WDR70: variants seen among roughly 807,000 people sequenced by gnomAD.
WDR70 encodes the protein WD repeat domain 70, also known as WD repeat-containing protein 70.
A neutral mutation model predicts 88.6 loss-of-function variants in WDR70; 53 were observed. The ratio of observed to expected loss-of-function variants is 0.60; its 90% confidence interval spans 0.48 to 0.75. The LOEUF is 0.75. Among genes scored for constraint, WDR70 ranks in the 30% least tolerant of loss-of-function variants. WDR70 has a pLI of 0.00. For synonymous variants in WDR70, 280 were observed against 270.0 expected (o/e 1.04, Z -0.36); for missense variants, 610 against 823.2 (o/e 0.74, Z 3.17).
intron 8 of WDR70, among the ~76,000 whole-genome samples, chr5:37,495,984 A>C (rs552310340): frequency 6.6e-6 from 1 of 152,332 alleles, no homozygotes; most frequent in African/African-American, 2.4e-5. Context: ...ACTTAACAGT[A>C]AAGGTGACCA....
chr5:37,571,667 A>G (rs977787123), intron 9 of WDR70, among the ~76,000 whole-genome samples: 1 of 152,086 alleles, frequency 6.6e-6, no homozygotes, highest in Admixed American at 6.6e-5. Context: ...GAATGAAAAA[A>G]TAGATAGATA....
intron 8 of WDR70, among the ~76,000 whole-genome samples, chr5:37,482,065 C>T (rs1380254478): frequency 6.6e-6 from 1 of 152,198 alleles, no homozygotes; most frequent in Non-Finnish European, 1.5e-5. Context: ...CCACCTCTGC[C>T]TGGACCTTAT....
intron 9 of WDR70, 133 bp downstream of exon 9, chr5:37,516,723 A>ATTTT: frequency 2.3e-5 from 3 of 128,246 alleles, no homozygotes; most frequent in Admixed American, 9.8e-5. Flanking sequence ...ATATATATAT[A>ATTTT]TATTTTTTTT....
chr5:37,737,035 A>T (rs6867232), intron 17 of WDR70, among the ~76,000 whole-genome samples: 134,504 of 152,150 alleles, frequency 0.88, 59,899 homozygotes, highest in East Asian at 0.93. Context: ...GTTTAACATA[A>T]AAATTAATTT....
intron 8 of WDR70, 70 bp from the exon 9 acceptor site, chr5:37,516,444 T>C: frequency 1.2e-6 from 1 of 850,594 alleles, no homozygotes; most frequent in Non-Finnish European, 1.9e-6. Context: ...AAATGACATG[T>C]CAGTTTCTAG....
At chr5:37,623,522 A>G (rs563129156) in intron 10 of WDR70, among the ~76,000 whole-genome samples, 3 of 152,180 alleles carry the variant, frequency 2.0e-5, no homozygotes, top group Non-Finnish European at 4.4e-5. Flanking sequence ...ATAATAGTAA[A>G]TAGACAAGTA....
At chr5:37,637,623 G>A (rs905166520) in intron 10 of WDR70, among the ~76,000 whole-genome samples, 4 of 152,120 alleles carry the variant, frequency 2.6e-5, no homozygotes, top group African/African-American at 9.7e-5. Context: ...ATTACTAAAA[G>A]CTTAAGAACA....
chr5:37,472,183 GC>G (rs1187317500), intron 7 of WDR70, among the ~76,000 whole-genome samples: 1 of 151,854 alleles, frequency 6.6e-6, no homozygotes, highest in Non-Finnish European at 1.5e-5. Flanking sequence ...CATTCTTAAA[GC>G]CTTGACTTGA....
At chr5:37,634,312 GAAAA>G in intron 10 of WDR70, among the ~76,000 whole-genome samples, 1 of 124,420 alleles carries the variant, frequency 8.0e-6, no homozygotes, top group South Asian at 2.5e-4. Flanking sequence ...AAAAAAAAAA[GAAAA>G]AAAAGAAAAA....
chr5:37,749,005 G>A (rs887449826), intron 17 of WDR70, among the ~76,000 whole-genome samples: 4 of 152,152 alleles, frequency 2.6e-5, no homozygotes, highest in African/African-American at 9.7e-5. Flanking sequence ...TTATACTGTT[G>A]GTGGGAATGT....
chr5:37,745,236 T>C (rs1748601572), intron 17 of WDR70, among the ~76,000 whole-genome samples: 1 of 152,058 alleles, frequency 6.6e-6, no homozygotes, highest in Non-Finnish European at 1.5e-5. Flanking sequence ...TGAGGGATTT[T>C]GTTACCACGA....
chr5:37,502,027 A>G (rs1740418597), intron 8 of WDR70, among the ~76,000 whole-genome samples: 1 of 152,190 alleles, frequency 6.6e-6, no homozygotes, highest in South Asian at 2.1e-4. Context: ...TTTGGGCAGT[A>G]TGATCATTTT....
intron 17 of WDR70, among the ~76,000 whole-genome samples, chr5:37,751,955 A>G (rs556135765): frequency 8.5e-5 from 13 of 152,314 alleles, no homozygotes; most frequent in African/African-American, 2.9e-4. Context: ...TGCGGGGGAT[A>G]TTCGTTTTCT....
In WDR70 at chr5:37,722,900, A is replaced by G; in HGVS notation, c.1563A>G (p.Gln521=). 1 of 1,613,674 alleles carries G rather than the reference A, an allele frequency of 6.2e-7. No homozygotes were observed. ...TTAAAACCCAGCGGAAGGCAAAACA[A>G]GCTGAGACTCTAACTCAGGACTACA... ...CVVKTQRKAK[Q]AETLTQDYII... is the part of the protein sequence containing the mutation. Residue 521 remains glutamine, a synonymous_variant, in exon 15 of 18, where the codon CAA becomes CAG. Transcript: ENST00000265107.
rs552638010 is a variant in WDR70, at chr5:37,559,616, G to A, written c.917+43026G>A. 2.4e-4 allele frequency among the ~76,000 whole-genome samples: 36 copies of A among 152,212 alleles called. No homozygotes were observed. In the South Asian group the frequency reaches 6.0e-3, roughly 25 times the overall value. On this transcript the variant is annotated intron_variant, in intron 9 of 17. Coordinates refer to ENST00000265107, the MANE Select transcript of WDR70 (RefSeq NM_018034.4). ...TCCTAGCACTTCGGGAGGACGAGGCGGGTGGATCACCTGAGGTCAGGGGTT... is the reference window on the plus strand; with the variant it reads ...TCCTAGCACTTCGGGAGGACGAGGCAGGTGGATCACCTGAGGTCAGGGGTT...
intron 5 of WDR70, among the ~76,000 whole-genome samples, chr5:37,428,782 G>C (rs891641081): frequency 4.6e-5 from 7 of 152,172 alleles, no homozygotes; most frequent in African/African-American, 1.4e-4. Flanking sequence ...AAGCAAAATT[G>C]CTAGATCATG....
chr5:37,436,415 C>T (rs1750468535), intron 5 of WDR70, among the ~76,000 whole-genome samples: 1 of 152,140 alleles, frequency 6.6e-6, no homozygotes, highest in Non-Finnish European at 1.5e-5. Flanking sequence ...GTTTAAAAAA[C>T]TCTAGCATTT....
chr5:37,500,325 A>T (rs1167709003), intron 8 of WDR70, among the ~76,000 whole-genome samples: 1 of 152,008 alleles, frequency 6.6e-6, no homozygotes, highest in Admixed American at 6.6e-5. Context: ...TATATTCTTT[A>T]TTTACTCATC....
intron 10 of WDR70, among the ~76,000 whole-genome samples, chr5:37,627,586 C>T (rs1411925159): frequency 6.6e-6 from 1 of 152,092 alleles, no homozygotes; most frequent in East Asian, 1.9e-4. Context: ...CCTCTTAATA[C>T]TGCTTTTGCT....
Sources: allele counts gnomAD v4.1 joint callset (sites outside exome capture counted in the v4.1 genomes callset), GRCh38; gene constraint gnomAD v4.1.1; transcripts MANE v1.5; gene names NCBI Gene and HGNC (gene_info 2026-07-23, HGNC 2026-07-21).